CSMD1: variants seen among roughly 807,000 people sequenced by gnomAD.
CSMD1 encodes the protein CUB and Sushi multiple domains 1, also known as CUB and sushi domain-containing protein 1.
Under a neutral mutation model 417.5 loss-of-function variants are expected in CSMD1, and 213 were observed. The observed-to-expected ratio is 0.51, with a 90% CI of 0.46 to 0.57. The LOEUF (loss-of-function observed/expected upper bound fraction) is 0.57. Among genes scored for constraint, CSMD1 ranks in the 20% least tolerant of loss-of-function variants. CSMD1 has a pLI of 0.00. For synonymous variants in CSMD1, 2,862 were observed against 1,736.8 expected, an observed-to-expected ratio of 1.65 and a Z score of -16.11; for missense variants, 6,923 against 4,529.7, an observed-to-expected ratio of 1.53 and a Z score of -15.17.
At chr8:4,449,176 G>C (rs536202109) in intron 2 of CSMD1, among the ~76,000 whole-genome samples, 1 of 152,068 alleles carries the variant, frequency 6.6e-6, no homozygotes, top group South Asian at 2.1e-4. Flanking sequence ...TCACTCAAAA[G>C]CAAGTACATT....
intron 5 of CSMD1, among the ~76,000 whole-genome samples, chr8:3,842,009 G>T (rs910868165): frequency 3.9e-5 from 6 of 152,100 alleles, no homozygotes; most frequent in African/African-American, 1.4e-4. Context: ...TTTGTATATC[G>T]AGTTAAAAGC....
chr8:4,659,928 C>T (rs985582224), intron 1 of CSMD1, among the ~76,000 whole-genome samples: 1 of 151,934 alleles, frequency 6.6e-6, no homozygotes, highest in Admixed American at 6.6e-5. Flanking sequence ...AACACCCACT[C>T]AGGATCAAAA....
At chr8:4,130,402 T>C (rs999817777) in intron 3 of CSMD1, among the ~76,000 whole-genome samples, 1 of 152,174 alleles carries the variant, frequency 6.6e-6, no homozygotes, top group Non-Finnish European at 1.5e-5. Flanking sequence ...TTTGATCAAC[T>C]TTTTTACTCT....
chr8:4,100,225 T>C (rs749267367), intron 3 of CSMD1, among the ~76,000 whole-genome samples: 22 of 152,328 alleles, frequency 1.4e-4, no homozygotes, highest in Non-Finnish European at 2.9e-4. Flanking sequence ...ATATAGTCTC[T>C]AGCATACAGA....
At chr8:4,985,695 T>C (rs1420876709) in intron 1 of CSMD1, among the ~76,000 whole-genome samples, 2 of 152,246 alleles carry the variant, frequency 1.3e-5, no homozygotes, top group South Asian at 2.1e-4. Context: ...ATATTATTTA[T>C]ATTTTTTAAG....
intron 3 of CSMD1, among the ~76,000 whole-genome samples, chr8:4,406,651 G>C (rs78437227): frequency 6.6e-6 from 1 of 152,198 alleles, no homozygotes; most frequent in South Asian, 2.1e-4. Context: ...AGGAAGCATG[G>C]GCACTCCTCC....
chr8:3,320,102 C>T (rs1304579056), intron 23 of CSMD1, among the ~76,000 whole-genome samples: 1 of 152,180 alleles, frequency 6.6e-6, no homozygotes, highest in South Asian at 2.1e-4. Flanking sequence ...AGAAGACATG[C>T]TCTGTGCCAC....
intron 28 of CSMD1, 140 bp from the exon 29 acceptor site, chr8:3,219,582 T>C (rs896344246): frequency 8.8e-6 from 5 of 569,632 alleles, no homozygotes; most frequent in Non-Finnish European, 1.5e-5. Flanking sequence ...AAGTTAAATG[T>C]AGTATGAATC....
At chr8:3,048,699 G>A (rs1237431646) in intron 50 of CSMD1, among the ~76,000 whole-genome samples, 1 of 151,632 alleles carries the variant, frequency 6.6e-6, no homozygotes, top group Non-Finnish European at 1.5e-5. Flanking sequence ...TACAAAAACA[G>A]AGGCAGGATG....
intron 3 of CSMD1, among the ~76,000 whole-genome samples, chr8:4,102,815 C>G (rs545506740): frequency 2.0e-5 from 3 of 152,206 alleles, no homozygotes; most frequent in Non-Finnish European, 4.4e-5. Context: ...TTGTGTGCAG[C>G]CCGCATTCAT....
chr8:4,180,660 G>A (rs1798314472), intron 3 of CSMD1, among the ~76,000 whole-genome samples: 2 of 152,008 alleles, frequency 1.3e-5, no homozygotes, highest in South Asian at 2.1e-4. Context: ...ATCCTGCCCT[G>A]CCAGCACTGG....
At chr8:3,390,193 A>G (rs1301804705) in intron 17 of CSMD1, among the ~76,000 whole-genome samples, 1 of 151,780 alleles carries the variant, frequency 6.6e-6, no homozygotes, top group Non-Finnish European at 1.5e-5. Flanking sequence ...TGTCTCTGCT[A>G]AAAATATAAA....
chr8:4,230,131 G>C lies in CSMD1; in HGVS notation c.415+189822C>G, dbSNP rs191952655. ...CTTTTTCTAAGATTAAATCATCTCA[G>C]AATGTGATGACATATTGCAGTGCTG... On this transcript the variant is annotated intron_variant, in intron 3 of 69. Transcript: ENST00000635120. Among the ~76,000 whole-genome samples, 206 of 152,244 alleles carry C rather than the reference G, an allele frequency of 1.4e-3. 1 individual carries two copies. The highest frequency in any genetic ancestry group is 4.6e-3 in the African/African-American group (192 of 41,550).
chr8:4,254,722 G>T (rs1001345657), intron 3 of CSMD1, among the ~76,000 whole-genome samples: 1 of 152,040 alleles, frequency 6.6e-6, no homozygotes, highest in Non-Finnish European at 1.5e-5. Flanking sequence ...TGTAGGTATG[G>T]TTATGTATCT....
Position 3,490,119 on chromosome 8 carries a change from C to T in CSMD1, c.1448+3504G>A, listed in dbSNP as rs532002051. Among the ~76,000 whole-genome samples, 11 of 152,238 alleles carry T rather than the reference C, an allele frequency of 7.2e-5. No homozygotes were observed. The South Asian group carries it at 8.3e-4, about 11-fold the overall frequency. On this transcript the variant is annotated intron_variant, in intron 11 of 69. Coordinates refer to ENST00000635120, the MANE Select transcript of CSMD1 (RefSeq NM_033225.6). ...GAGACTAGCTGTGATTCTCTGTGTT[C>T]GGTTATTTTTCTGTGATCTGGTACA... is the stretch of plus-strand genomic sequence containing the variant.
At chr8:4,924,690 C>G (rs554041162) in intron 1 of CSMD1, among the ~76,000 whole-genome samples, 105 of 114,602 alleles carry the variant, frequency 9.2e-4, no homozygotes, top group Admixed American at 4.7e-3. Flanking sequence ...CCATTGCACT[C>G]TAGCCTGGGA....
chr8:3,439,056 G>C (rs1309718887), intron 12 of CSMD1, among the ~76,000 whole-genome samples: 9 of 139,808 alleles, frequency 6.4e-5, no homozygotes, highest in African/African-American at 2.1e-4. Flanking sequence ...CTGGGAGGTG[G>C]AGGTTGCAGT....
intron 3 of CSMD1, among the ~76,000 whole-genome samples, chr8:4,241,246 A>G (rs1199795099): frequency 6.6e-6 from 1 of 152,160 alleles, no homozygotes; most frequent in African/African-American, 2.4e-5. Context: ...GACACCCTTC[A>G]TATACACCAC....
intron 3 of CSMD1, among the ~76,000 whole-genome samples, chr8:4,128,262 G>C (rs754074481): frequency 1.4e-4 from 22 of 152,098 alleles, no homozygotes; most frequent in Non-Finnish European, 2.4e-4. Context: ...ATCCCGTGGA[G>C]GAATGCATGA....
Sources: gnomAD v4.1 joint callset for allele counts (sites outside exome capture counted in the v4.1 genomes callset) on GRCh38, gnomAD v4.1.1 for gene constraint, MANE v1.5 for transcripts, NCBI Gene and HGNC (gene_info 2026-07-23, HGNC 2026-07-21) for gene names.